PRUNE2: variants seen among roughly 807,000 people sequenced by gnomAD.
PRUNE2 encodes prune homolog 2 with BCH domain.
Under a neutral mutation model 252.0 loss-of-function variants are expected in PRUNE2, and 164 were observed. The ratio of observed to expected loss-of-function variants is 0.65; its 90% CI spans 0.57 to 0.74. The LOEUF is 0.74. Ranked by LOEUF, PRUNE2 falls within the 30% of genes least tolerant of loss-of-function variation. The pLI is 0.00. For missense variants in PRUNE2, 3,495 were observed against 3,711.0 expected (o/e 0.94, Z 1.51); for synonymous variants, 1,292 against 1,350.2 (o/e 0.96, Z 0.94).
At chr9:76,885,050 C>T (rs921059001) in intron 1 of PRUNE2, among the ~76,000 whole-genome samples, 4 of 152,184 alleles carry the variant, frequency 2.6e-5, no homozygotes, top group East Asian at 1.9e-4. Flanking sequence ...CTGTGTGTGC[C>T]ACACCTTTCA....
rs773576162 is a variant in PRUNE2 at position 76,713,607 on chromosome 9, G to C, written c.871C>G (p.Arg291Gly). 1 of 1,607,510 alleles carries C rather than the reference G, an allele frequency of 6.2e-7. No individual in the cohort carries two copies. Among genetic ancestry groups the C allele is most frequent in the Non-Finnish European group, 8.5e-7 (1 of 1,177,048 alleles). The change falls in exon 7 of 19, where the codon CGA (arginine) becomes GGA (glycine). Residue 291 changes from arginine to glycine, a missense_variant. Coordinates refer to ENST00000376718, the MANE Select transcript of PRUNE2 (RefSeq NM_015225.3). Reference protein sequence around the residue: ...SYLSEEQQPRRQIAVYSENME... With the variant: ...SYLSEEQQPRGQIAVYSENME... ...TTTTCTGAGTACACAGCAATCTGTC[G>C]TCTCGGCTGCTGCTCCTCTGACAGA...
At chr9:76,853,779 T>A (rs1326959722) in intron 2 of PRUNE2, among the ~76,000 whole-genome samples, 1 of 152,264 alleles carries the variant, frequency 6.6e-6, no homozygotes, top group East Asian at 1.9e-4. Flanking sequence ...AGAAATCTGA[T>A]TCTTACTTTT....
chr9:76,696,180 T>G (rs1302787040), intron 9 of PRUNE2, among the ~76,000 whole-genome samples: 1 of 152,182 alleles, frequency 6.6e-6, no homozygotes, highest in Non-Finnish European at 1.5e-5. Context: ...TACCCAATCC[T>G]GCACTGACTT....
chr9:76,892,728 G>A (rs7871453), intron 1 of PRUNE2, among the ~76,000 whole-genome samples: 1 of 152,008 alleles, frequency 6.6e-6, no homozygotes, highest in Non-Finnish European at 1.5e-5. Flanking sequence ...AAACTATCAC[G>A]AAAGGTCATG....
chr9:76,695,013 C>G (rs1234890013), intron 9 of PRUNE2, among the ~76,000 whole-genome samples: 1 of 152,096 alleles, frequency 6.6e-6, no homozygotes, highest in East Asian at 1.9e-4. Flanking sequence ...TTAAATAAAA[C>G]CATGTTCCTC....
intron 6 of PRUNE2, among the ~76,000 whole-genome samples, chr9:76,747,950 C>A (rs2050280592): frequency 6.6e-6 from 1 of 152,090 alleles, no homozygotes; most frequent in Non-Finnish European, 1.5e-5. Context: ...TGCAGGCCAC[C>A]ATGATGGCTA....
chr9:76,854,724 G>T, intron 1 of PRUNE2, among the ~76,000 whole-genome samples: 1 of 152,028 alleles, frequency 6.6e-6, no homozygotes, highest in East Asian at 1.9e-4. Flanking sequence ...AATGAAACTT[G>T]TAACACTTTT....
intron 1 of PRUNE2, among the ~76,000 whole-genome samples, chr9:76,904,746 T>C (rs2063381903): frequency 6.6e-6 from 1 of 152,168 alleles, no homozygotes; most frequent in Non-Finnish European, 1.5e-5. Context: ...GGTAGAAAGT[T>C]TTATATAAGC....
chr9:76,675,807 T>A (rs2042432186), intron 9 of PRUNE2, among the ~76,000 whole-genome samples: 1 of 128,104 alleles, frequency 7.8e-6, no homozygotes, highest in Non-Finnish European at 1.7e-5. Context: ...CAGTAAACTA[T>A]CGCAAGAACA....
chr9:76,837,520 A>G (rs1371481403), intron 4 of PRUNE2, among the ~76,000 whole-genome samples: 1 of 151,000 alleles, frequency 6.6e-6, no homozygotes, highest in Non-Finnish European at 1.5e-5. Context: ...AGCAGGAAGT[A>G]TCTGACATGC....
rs116191919 is a variant in PRUNE2 at position 76,835,526 on chromosome 9, A to T, written c.509-8794T>A. Reference sequence around the variant, plus strand: ...AAAATGTCTGAATTTAAGAATAAAGATTATCTTTGTGTGACAGAAGAAATA... The same window carrying T: ...AAAATGTCTGAATTTAAGAATAAAGTTTATCTTTGTGTGACAGAAGAAATA... On this transcript the variant is annotated intron_variant, in intron 4 of 18. Transcript: ENST00000376718. Among the ~76,000 whole-genome samples, 499 of 152,330 alleles carry T rather than the reference A, an allele frequency of 3.3e-3. 2 individuals are homozygous for T. Among genetic ancestry groups the T allele is most frequent in the African/African-American group, 0.011 (475 of 41,580 alleles).
At chr9:76,879,720 G>A (rs1320481623) in intron 1 of PRUNE2, among the ~76,000 whole-genome samples, 1 of 151,388 alleles carries the variant, frequency 6.6e-6, no homozygotes, top group Non-Finnish European at 1.5e-5. Context: ...GGGAGGGTTT[G>A]TTGCACATTT....
chr9:76,691,874 G>A (rs10869796), intron 9 of PRUNE2: 2 of 574,166 alleles, frequency 3.5e-6, no homozygotes, highest in Admixed American at 3.2e-5. Flanking sequence ...GCTTTTCTAG[G>A]ATGAGTGGAT....
At chr9:76,859,982 T>C (rs942388839) in intron 1 of PRUNE2, among the ~76,000 whole-genome samples, 17 of 152,298 alleles carry the variant, frequency 1.1e-4, no homozygotes, top group African/African-American at 2.6e-4. Context: ...ATTACAAGCA[T>C]GAGCCACCAC....
chr9:76,830,558 A>G (rs2058610128), intron 4 of PRUNE2, among the ~76,000 whole-genome samples: 1 of 151,932 alleles, frequency 6.6e-6, no homozygotes, highest in Admixed American at 6.6e-5. Flanking sequence ...AGGCTGACAC[A>G]CAAGAATCAC....
chr9:76,629,144 CA>C, intron 16 of PRUNE2, 47 bp downstream of exon 16: 2 of 1,221,548 alleles, frequency 1.6e-6, no homozygotes, highest in Non-Finnish European at 2.4e-6. Context: ...CACCCAGCCT[CA>C]AACTAGTACT....
At chr9:76,829,521 G>C (rs2058546998) in intron 4 of PRUNE2, among the ~76,000 whole-genome samples, 1 of 152,132 alleles carries the variant, frequency 6.6e-6, no homozygotes, top group South Asian at 2.1e-4. Flanking sequence ...AGTTTTATTG[G>C]AACACAGCCA....
intron 6 of PRUNE2, among the ~76,000 whole-genome samples, chr9:76,800,524 T>C (rs1452897906): frequency 6.6e-6 from 1 of 152,202 alleles, no homozygotes; most frequent in Non-Finnish European, 1.5e-5. Context: ...ATTTAAAAGA[T>C]CCAGATTAAT....
intron 2 of PRUNE2, among the ~76,000 whole-genome samples, chr9:76,852,806 GTCTATCTATCTATCTATCTATCTATCTA>G (rs71354689): frequency 1.3e-5 from 1 of 76,478 alleles, no homozygotes; most frequent in African/African-American, 5.7e-5. Context: ...CTGTCTGTCT[GTCTATCTATCTATCTATCTATCTATCTA>G]TCTATCTATC....
Sources: allele counts gnomAD v4.1 joint callset (sites outside exome capture counted in the v4.1 genomes callset), GRCh38; gene constraint gnomAD v4.1.1; transcripts MANE v1.5; gene names NCBI Gene and HGNC (gene_info 2026-07-23, HGNC 2026-07-21).